Variants in TBC1D22A observed in about 807,000 individuals in gnomAD.
The protein encoded by TBC1D22A is putative GTPase activator.
A neutral mutation model predicts 60.2 loss-of-function variants in TBC1D22A; 38 were observed. The observed-to-expected ratio is 0.63, with a 90% CI of 0.49 to 0.83. The LOEUF (loss-of-function observed/expected upper bound fraction) is 0.83, where lower values mean the gene tolerates loss of function less well. TBC1D22A is among the 40% of genes least tolerant of loss of function. TBC1D22A has a pLI of 0.00. For missense variants in TBC1D22A, 628 were observed against 701.0 expected (o/e 0.90, Z 1.18); for synonymous variants, 302 against 281.7 (o/e 1.07, Z -0.72).
chr22:47,084,554 G>C (rs1268512685), intron 11 of TBC1D22A, among the ~76,000 whole-genome samples: 1 of 152,174 alleles, frequency 6.6e-6, no homozygotes, highest in Admixed American at 6.5e-5. Context: ...GCTCTAGGGG[G>C]ACTCTTGAAA....
intron 8 of TBC1D22A, among the ~76,000 whole-genome samples, chr22:46,957,483 C>T (rs1487147099): frequency 1.3e-5 from 2 of 152,218 alleles, no homozygotes; most frequent in Non-Finnish European, 2.9e-5. Flanking sequence ...GCTTATAAGA[C>T]CAGCACATCT....
chr22:47,109,663 A>G (rs1388249631), intron 11 of TBC1D22A, among the ~76,000 whole-genome samples: 2 of 152,138 alleles, frequency 1.3e-5, no homozygotes, highest in Non-Finnish European at 2.9e-5. Context: ...AGCCTTTTCC[A>G]TAAACCTTTC....
intron 11 of TBC1D22A, among the ~76,000 whole-genome samples, chr22:47,039,853 C>T (rs570283317): frequency 1.7e-4 from 25 of 150,142 alleles, no homozygotes; most frequent in Non-Finnish European, 3.1e-4. Context: ...AGGAAACTTG[C>T]AATCATGGCA....
chr22:47,157,124 G>T (rs1019567797), intron 12 of TBC1D22A, among the ~76,000 whole-genome samples: 3 of 152,230 alleles, frequency 2.0e-5, no homozygotes, highest in African/African-American at 4.8e-5. Context: ...TCCTGTGGGG[G>T]TGATTCGTCT....
In TBC1D22A at chr22:46,797,391, G is replaced by A. The variant is rs2084700201; in HGVS notation, c.461-53G>A. The A allele has an allele frequency of 1.4e-5, 23 of 1,595,416 alleles. No individual in the cohort carries two copies. The South Asian group carries it at 1.7e-4, about 12-fold the overall frequency. ...GGACAGTGGCACAGCAAGGAGGAAC[G>A]TGTAGTCGGGAGGAGCGCCCTCACC... On this transcript the variant is annotated intron_variant, in intron 3 of 12. Coordinates refer to ENST00000337137, the MANE Select transcript of TBC1D22A (RefSeq NM_014346.5).
Position 46,808,947 on chromosome 22 carries a change from C to A in TBC1D22A, c.637+11327C>A, listed in dbSNP as rs115548256. 3.2e-3 allele frequency among the ~76,000 whole-genome samples: 481 copies of A among 152,326 alleles called. 1 individual carries two copies. The highest frequency in any genetic ancestry group is 0.011 in the African/African-American group (459 of 41,556). ...ACTATTGGAGGCTTTCTCTTGAAAT[C>A]CCAGACTATGTTCAAATTGGTCCTA... On this transcript the variant is annotated intron_variant, in intron 4 of 12. Transcript: ENST00000337137.
intron 11 of TBC1D22A, among the ~76,000 whole-genome samples, chr22:47,102,083 C>T (rs1484553007): frequency 1.3e-5 from 2 of 152,160 alleles, no homozygotes; most frequent in Non-Finnish European, 2.9e-5. Flanking sequence ...GTTTCCGTCC[C>T]CCAACCCCCA....
intron 11 of TBC1D22A, among the ~76,000 whole-genome samples, chr22:47,063,055 G>A (rs2063633142): frequency 6.6e-6 from 1 of 152,164 alleles, no homozygotes; most frequent in Non-Finnish European, 1.5e-5. Flanking sequence ...AGGCAGGCAC[G>A]GTGGAGAAAC....
chr22:46,878,328 A>G (rs1281954886), intron 4 of TBC1D22A, among the ~76,000 whole-genome samples: 4 of 35,486 alleles, frequency 1.1e-4, no homozygotes, highest in Non-Finnish European at 2.1e-4. Context: ...GGAGGGAGAG[A>G]GAGAAGGAGG....
At chr22:46,977,000 C>T (rs879459777) in intron 9 of TBC1D22A, among the ~76,000 whole-genome samples, 4 of 152,194 alleles carry the variant, frequency 2.6e-5, no homozygotes, top group Admixed American at 1.3e-4. Context: ...ACATTGTCTT[C>T]GCCGTGACGG....
intron 10 of TBC1D22A, among the ~76,000 whole-genome samples, chr22:47,001,216 A>G (rs921787122): frequency 1.3e-5 from 2 of 151,962 alleles, no homozygotes; most frequent in African/African-American, 4.8e-5. Flanking sequence ...TCTATACTGG[A>G]GTTCCCCAGA....
At chr22:47,047,623 G>C (rs2063072943) in intron 11 of TBC1D22A, among the ~76,000 whole-genome samples, 1 of 152,232 alleles carries the variant, frequency 6.6e-6, no homozygotes, top group Non-Finnish European at 1.5e-5. Context: ...ACTGCCCCAG[G>C]TTGGCCCCAC....
At chr22:47,040,277 G>A (rs2062798971) in intron 11 of TBC1D22A, among the ~76,000 whole-genome samples, 1 of 152,098 alleles carries the variant, frequency 6.6e-6, no homozygotes, top group Non-Finnish European at 1.5e-5. Flanking sequence ...CCGATCTCAG[G>A]AGAGCTCACT....
In TBC1D22A at chr22:46,997,714, G is replaced by A. The variant is rs756081532; in HGVS notation, c.1201+5G>A. 2 of 1,613,882 alleles carry A rather than the reference G, an allele frequency of 1.2e-6. No individual in the cohort carries two copies. Among genetic ancestry groups the A allele is most frequent in the Non-Finnish European group, 1.7e-6 (2 of 1,179,964 alleles). ...AACTCGTGAGCCGGATTGATGGTAA[G>A]CCAGCTTCCCGCGCAGCCCCTCTCT... On this transcript the variant is annotated splice_donor_5th_base_variant and intron_variant, in intron 10 of 12. Transcript: ENST00000337137.
intron 11 of TBC1D22A, among the ~76,000 whole-genome samples, chr22:47,104,598 G>T (rs2065553692): frequency 6.6e-6 from 1 of 151,580 alleles, no homozygotes; most frequent in Non-Finnish European, 1.5e-5. Flanking sequence ...CAGAGGCTGA[G>T]GCAGGAGAAT....
chr22:46,961,413 C>T (rs1169806117), intron 8 of TBC1D22A, among the ~76,000 whole-genome samples: 1 of 152,218 alleles, frequency 6.6e-6, no homozygotes, highest in Non-Finnish European at 1.5e-5. Context: ...TAGTGCATTT[C>T]CGTGTAATTT....
chr22:46,810,767 T>C (rs1468902389), intron 4 of TBC1D22A, among the ~76,000 whole-genome samples: 1 of 152,228 alleles, frequency 6.6e-6, no homozygotes, highest in Non-Finnish European at 1.5e-5. Flanking sequence ...TGGCGAGTTC[T>C]TATTCTTAGA....
At chr22:46,928,860 C>G (rs1200814315) in intron 8 of TBC1D22A, among the ~76,000 whole-genome samples, 1 of 152,170 alleles carries the variant, frequency 6.6e-6, no homozygotes, top group Non-Finnish European at 1.5e-5. Flanking sequence ...TGTGGTACCG[C>G]TTCACATCCA....
intron 4 of TBC1D22A, among the ~76,000 whole-genome samples, chr22:46,853,263 T>C (rs1186023365): frequency 6.6e-6 from 1 of 152,156 alleles, no homozygotes; most frequent in African/African-American, 2.4e-5. Flanking sequence ...TCTCACCTGC[T>C]GTGGTGGGGC....
Sources: gnomAD v4.1 joint callset for allele counts (sites outside exome capture counted in the v4.1 genomes callset) on GRCh38, gnomAD v4.1.1 for gene constraint, MANE v1.5 for transcripts, NCBI Gene and HGNC (gene_info 2026-07-23, HGNC 2026-07-21) for gene names.